Variants in MAJIN observed in about 807,000 individuals in gnomAD.
MAJIN encodes membrane-anchored junction protein.
A neutral mutation model predicts 30.2 loss-of-function variants in MAJIN; 27 were observed. The ratio of observed to expected loss-of-function variants is 0.89; its 90% CI spans 0.66 to 1.23. MAJIN has a LOEUF of 1.23. Among genes scored for constraint, MAJIN ranks in the 50% most tolerant of loss-of-function variants. The pLI is 0.00. For synonymous variants in MAJIN, 78 were observed against 91.6 expected (o/e 0.85, Z 0.85); for missense variants, 253 against 260.3 (o/e 0.97, Z 0.19).
At chr11:64,949,695 C>A (rs1176541404) in intron 6 of MAJIN, 48 bp downstream of exon 6, 1 of 1,602,588 alleles carries the variant, frequency 6.2e-7, no homozygotes, top group Non-Finnish European at 8.5e-7. Context: ...GCTGGCACAG[C>A]TAAACCATTT....
chr11:64,947,313 G>C, intron 8 of MAJIN, 61 bp downstream of exon 8: 4 of 1,438,892 alleles, frequency 2.8e-6, no homozygotes, highest in Non-Finnish European at 2.9e-6. Flanking sequence ...TCAACCAACA[G>C]TAATAGCTGG....
chr11:64,967,379 T>G (rs1382494231), intron 1 of MAJIN, among the ~76,000 whole-genome samples: 1 of 151,718 alleles, frequency 6.6e-6, no homozygotes, highest in African/African-American at 2.4e-5. Context: ...GCACTCCAGC[T>G]TGGGCAACAA....
intron 1 of MAJIN, among the ~76,000 whole-genome samples, chr11:64,966,709 G>T (rs763767823): frequency 6.6e-6 from 1 of 151,990 alleles, no homozygotes; most frequent in South Asian, 2.1e-4. Context: ...CAAGGCAGGC[G>T]GATCACTTGA....
intron 1 of MAJIN, among the ~76,000 whole-genome samples, chr11:64,962,269 C>G (rs1235455014): frequency 6.6e-6 from 1 of 152,240 alleles, no homozygotes; most frequent in African/African-American, 2.4e-5. Context: ...TAGCTAGGGC[C>G]TGTTCCTGTT....
intron 1 of MAJIN, among the ~76,000 whole-genome samples, chr11:64,968,878 T>C (rs1183280374): frequency 1.3e-5 from 2 of 149,816 alleles, no homozygotes; most frequent in Non-Finnish European, 3.0e-5. Context: ...GTCCAAAATA[T>C]CTAAATATCT....
chr11:64,969,085 AT>A lies in MAJIN; in HGVS notation c.-65+2791del, dbSNP rs1945856970. ...TGTGGGAATCAAGGATGGCTCTCAGATTTTTTTGCCTTTGCAATTAGGTAGA... is the reference window on the plus strand; with the variant it reads ...TGTGGGAATCAAGGATGGCTCTCAGATTTTTTGCCTTTGCAATTAGGTAGA... On this transcript the variant is annotated intron_variant, in intron 1 of 10. Coordinates refer to ENST00000301896, the MANE Select transcript of MAJIN (RefSeq NM_001037225.3). 3.3e-5 allele frequency among the ~76,000 whole-genome samples: 5 copies of A among 152,106 alleles called. No individual in the cohort carries two copies. The South Asian group carries it at 1.0e-3, about 32-fold the overall frequency.
intron 4 of MAJIN, among the ~76,000 whole-genome samples, chr11:64,953,316 T>C (rs1453504047): frequency 6.6e-6 from 1 of 152,128 alleles, no homozygotes; most frequent in African/African-American, 2.4e-5. Flanking sequence ...TCATAGTAAT[T>C]ACTCAATAAA....
At chr11:64,953,157 T>C (rs962558689) in intron 4 of MAJIN, among the ~76,000 whole-genome samples, 7 of 152,218 alleles carry the variant, frequency 4.6e-5, no homozygotes, top group African/African-American at 1.7e-4. Context: ...ATTATTGAGC[T>C]ACTGTGTGGC....
At chr11:64,965,550 T>A (rs530688059) in intron 1 of MAJIN, among the ~76,000 whole-genome samples, 1 of 152,188 alleles carries the variant, frequency 6.6e-6, no homozygotes, top group Non-Finnish European at 1.5e-5. Flanking sequence ...AAACGACCTT[T>A]GGCCAAAAGG....
intron 2 of MAJIN, 127 bp from the exon 3 acceptor site, chr11:64,959,549 C>T (rs990823898): frequency 2.2e-5 from 14 of 650,638 alleles, no homozygotes; most frequent in Admixed American, 5.4e-5. Flanking sequence ...CTACTGCCTA[C>T]GTACCAGGAT....
rs1945322010 is a variant in MAJIN, at chr11:64,938,540, C to T, written c.*35G>A. 6.5e-7 allele frequency: 1 copy of T among 1,535,808 alleles called. No individual in the cohort carries two copies. Among genetic ancestry groups the T allele is most frequent in the Non-Finnish European group, 8.7e-7 (1 of 1,146,784 alleles). Reference sequence around the variant, plus strand: ...TTTGGAAGGCTCAAGAGTGGCTGCTCTTCCTGAAGAAATATCGAAACGGGA... The same window carrying T: ...TTTGGAAGGCTCAAGAGTGGCTGCTTTTCCTGAAGAAATATCGAAACGGGA... On this transcript the variant is annotated 3_prime_UTR_variant, in exon 11 of 11. Transcript: ENST00000301896.
intron 1 of MAJIN, among the ~76,000 whole-genome samples, chr11:64,963,675 T>C (rs1945762312): frequency 6.6e-6 from 1 of 152,022 alleles, no homozygotes. Context: ...CTGTCTTTAC[T>C]AAAAATACAA....
intron 1 of MAJIN, among the ~76,000 whole-genome samples, chr11:64,969,758 T>C (rs938195288): frequency 6.6e-6 from 1 of 151,936 alleles, no homozygotes; most frequent in African/African-American, 2.4e-5. Context: ...TGGTGCGATC[T>C]TGGCTCACTG....
intron 8 of MAJIN, among the ~76,000 whole-genome samples, chr11:64,946,334 C>T (rs1346355516): frequency 6.6e-6 from 1 of 152,104 alleles, no homozygotes; most frequent in Admixed American, 6.6e-5. Context: ...CAGCAGAATC[C>T]CAGTTTGAGA....
At chr11:64,946,490 G>A (rs894748104) in intron 8 of MAJIN, among the ~76,000 whole-genome samples, 2 of 152,198 alleles carry the variant, frequency 1.3e-5, no homozygotes, top group Non-Finnish European at 2.9e-5. Flanking sequence ...ATGGAACAAA[G>A]CAAAGCTTCA....
chr11:64,970,635 G>T (rs1447857614), intron 1 of MAJIN, among the ~76,000 whole-genome samples: 2 of 151,480 alleles, frequency 1.3e-5, no homozygotes, highest in Non-Finnish European at 2.9e-5. Context: ...AAAGTGCTGG[G>T]ATTACAGGCA....
In MAJIN at chr11:64,950,967, C is replaced by T. The variant is rs369607313; in HGVS notation, c.148-537G>A. ...CCACCCATCAGCACTTGTCCAAATC[C>T]GACCTATCCTTTCAGGCATAGTTCA... is the stretch of plus-strand genomic sequence containing the variant. On this transcript the variant is annotated intron_variant, in intron 4 of 10. Coordinates refer to ENST00000301896, the MANE Select transcript of MAJIN (RefSeq NM_001037225.3). Among the ~76,000 whole-genome samples the T allele has an allele frequency of 9.2e-5, 14 of 152,292 alleles. No individual in the cohort carries two copies. In the East Asian group the frequency reaches 1.4e-3, roughly 15 times the overall value.
At chr11:64,962,927 G>C (rs1364807116) in intron 1 of MAJIN, among the ~76,000 whole-genome samples, 1 of 152,120 alleles carries the variant, frequency 6.6e-6, no homozygotes, top group Non-Finnish European at 1.5e-5. Flanking sequence ...AGGAGTTTGA[G>C]ACCAGTCTGG....
In MAJIN at chr11:64,938,563, G is replaced by A. The variant is rs1945322668; in HGVS notation, c.*12C>T. Reference sequence around the variant, plus strand: ...CTCTTCCTGAAGAAATATCGAAACGGGAAGAGAGAGCTGCAAGAATGAGAA... The same window carrying A: ...CTCTTCCTGAAGAAATATCGAAACGAGAAGAGAGAGCTGCAAGAATGAGAA... On this transcript the variant is annotated 3_prime_UTR_variant, in exon 11 of 11. Transcript: ENST00000301896. 6.5e-7 allele frequency: 1 copy of A among 1,535,722 alleles called. No individual in the cohort carries two copies. Among genetic ancestry groups the A allele is most frequent in the Admixed American group, 2.0e-5 (1 of 50,956 alleles).
Sources: allele counts gnomAD v4.1 joint callset (sites outside exome capture counted in the v4.1 genomes callset), GRCh38; gene constraint gnomAD v4.1.1; transcripts MANE v1.5; gene names NCBI Gene and HGNC (gene_info 2026-07-23, HGNC 2026-07-21).